DST: variants seen among roughly 807,000 people sequenced by gnomAD.
The protein encoded by DST is dystonin.
In DST, 253 loss-of-function variants were observed where a neutral mutation model predicts 875.2. The ratio of observed to expected loss-of-function variants is 0.29; its 90% CI spans 0.26 to 0.32. The LOEUF (loss-of-function observed/expected upper bound fraction) is 0.32. Among genes scored for constraint, DST ranks in the 10% least tolerant of loss-of-function variants. The probability of loss-of-function intolerance (pLI) is 1.00; values close to 1 mark genes in which losing one functional copy is unlikely to be tolerated. For missense variants in DST, 8,287 were observed against 9,111.6 expected (o/e 0.91, Z 3.68); for synonymous variants, 3,124 against 3,197.1 (o/e 0.98, Z 0.77).
intron 81 of DST, 115 bp from the exon 82 acceptor site, chr6:56,497,622 C>A: frequency 7.6e-7 from 1 of 1,307,706 alleles, no homozygotes; most frequent in South Asian, 1.5e-5. Flanking sequence ...TAAGAACAGC[C>A]AGGTACCATT....
intron 16 of DST, 127 bp from the exon 17 acceptor site, chr6:56,642,228 AAT>A (rs2098913422): frequency 2.2e-6 from 2 of 927,524 alleles, no homozygotes; most frequent in South Asian, 1.4e-5. Flanking sequence ...TTGGTTCAAA[AAT>A]ATGTTTTCCC....
At chr6:56,544,174 A>G (rs1352492262) in intron 61 of DST, among the ~76,000 whole-genome samples, 1 of 152,224 alleles carries the variant, frequency 6.6e-6, no homozygotes, top group Non-Finnish European at 1.5e-5. Flanking sequence ...TGAACAGTGG[A>G]TTGGGCACTA....
chr6:56,824,646 T>C (rs952123606), intron 4 of DST, among the ~76,000 whole-genome samples: 2 of 151,880 alleles, frequency 1.3e-5, no homozygotes. Context: ...GGAGCGCCTC[T>C]GACCGGCCGC....
chr6:56,619,824 G>A lies in DST; in HGVS notation c.4929+4706C>T, dbSNP rs770720799. 1.9e-5 allele frequency: 30 copies of A among 1,613,918 alleles called. 1 individual carries two copies. The highest frequency in any genetic ancestry group is 1.6e-4 in the Middle Eastern group (1 of 6,084). Reference sequence around the variant, plus strand: ...TCATCTAGTTTATCTTTTAGCAAACGAGCCTTTTCCTCAGATGACGTTTTT... The same window carrying A: ...TCATCTAGTTTATCTTTTAGCAAACAAGCCTTTTCCTCAGATGACGTTTTT... On this transcript the variant is annotated intron_variant, in intron 36 of 103. Transcript: ENST00000680361.
chr6:56,827,253 C>T (rs1352677248), intron 4 of DST, among the ~76,000 whole-genome samples: 1 of 152,112 alleles, frequency 6.6e-6, no homozygotes, highest in African/African-American at 2.4e-5. Flanking sequence ...CGGTGGCTCT[C>T]GCCTGTAATC....
At chr6:56,926,971 T>C (rs531231435) in intron 2 of DST, among the ~76,000 whole-genome samples, 1 of 152,102 alleles carries the variant, frequency 6.6e-6, no homozygotes, top group Admixed American at 6.5e-5. Flanking sequence ...AAAAACAGTA[T>C]CAGTAGGTAA....
chr6:56,600,440 G>A (rs1222774749), intron 44 of DST, among the ~76,000 whole-genome samples: 1 of 152,018 alleles, frequency 6.6e-6, no homozygotes, highest in Non-Finnish European at 1.5e-5. Flanking sequence ...AGATGAAACT[G>A]CTCAAGAGAA....
chr6:56,671,640 T>C (rs900480496), intron 9 of DST, among the ~76,000 whole-genome samples: 4 of 152,208 alleles, frequency 2.6e-5, no homozygotes, highest in Non-Finnish European at 5.9e-5. Context: ...CTGATAATTA[T>C]ATTAAGGCAC....
chr6:56,882,871 T>C (rs1782870092), intron 3 of DST, among the ~76,000 whole-genome samples: 1 of 152,220 alleles, frequency 6.6e-6, no homozygotes, highest in African/African-American at 2.4e-5. Flanking sequence ...TGTTGCTTTT[T>C]TCTTTTCCCC....
chr6:56,757,199 AT>A (rs933028502), intron 4 of DST, among the ~76,000 whole-genome samples: 3 of 152,174 alleles, frequency 2.0e-5, no homozygotes, highest in African/African-American at 7.2e-5. Context: ...AATGGGATTT[AT>A]TTTTTTCAGG....
At chr6:56,848,465 A>G (rs1445103060) in intron 4 of DST, among the ~76,000 whole-genome samples, 1 of 152,218 alleles carries the variant, frequency 6.6e-6, no homozygotes, top group Non-Finnish European at 1.5e-5. Context: ...AGTTTCAGGA[A>G]GAGTATGAAA....
intron 80 of DST, among the ~76,000 whole-genome samples, chr6:56,500,229 G>T (rs2096074100): frequency 6.6e-6 from 1 of 151,994 alleles, no homozygotes; most frequent in Non-Finnish European, 1.5e-5. Context: ...TTTAGTTTAG[G>T]ATTTAGGACT....
At chr6:56,602,208 A>G (rs1005201447) in intron 43 of DST, among the ~76,000 whole-genome samples, 3 of 151,864 alleles carry the variant, frequency 2.0e-5, no homozygotes, top group African/African-American at 4.8e-5. Context: ...AAGTATGCCA[A>G]AAGTGACAAC....
At chr6:56,812,109 A>AGAAAAGAAAAG (rs1554158453) in intron 4 of DST, among the ~76,000 whole-genome samples, 2 of 111,802 alleles carry the variant, frequency 1.8e-5, no homozygotes, top group Non-Finnish European at 3.5e-5. Flanking sequence ...CTCAAAAAAA[A>AGAAAAGAAAAG]AAAAGAAAAG....
intron 9 of DST, among the ~76,000 whole-genome samples, chr6:56,684,199 G>A (rs1310244948): frequency 6.6e-6 from 1 of 152,130 alleles, no homozygotes; most frequent in African/African-American, 2.4e-5. Context: ...TGAGTACACA[G>A]GAACTGCCAA....
chr6:56,473,625 C>A (rs897766398), intron 93 of DST, among the ~76,000 whole-genome samples: 1 of 152,072 alleles, frequency 6.6e-6, no homozygotes, highest in Non-Finnish European at 1.5e-5. Flanking sequence ...TTTCAATTTT[C>A]TTCTAGCTAA....
chr6:56,859,618 A>C (rs1169177144), intron 3 of DST, among the ~76,000 whole-genome samples: 2 of 152,228 alleles, frequency 1.3e-5, no homozygotes, highest in Admixed American at 1.3e-4. Flanking sequence ...CATATATTTA[A>C]CTAGAAAATA....
At position 56,900,594 on chromosome 6, in the gene DST, T is replaced by G. The variant is rs754520487; in HGVS notation, c.244A>C (p.Arg82=). The G allele has an allele frequency of 2.2e-6, 3 of 1,367,638 alleles. No individual in the cohort carries two copies. Among genetic ancestry groups the G allele is most frequent in the Non-Finnish European group, 2.0e-6 (2 of 1,021,838 alleles). The allele number at this position is 1,367,638 out of a possible 1,614,324, so 84.7% of individuals were successfully genotyped here. A position where few individuals can be genotyped will look rare whatever the true frequency, so the allele number is the denominator to read the frequency against. The change falls in exon 3 of 104, where the codon AGA becomes CGA. Residue 82 remains arginine, a synonymous_variant. Transcript: ENST00000680361. Reference sequence around the variant, plus strand: ...GCTGCGGCCGCTGCAACTCGTCTTCTAAGATGCCGAGGGCTTGCTCTGAAT... The same window carrying G: ...GCTGCGGCCGCTGCAACTCGTCTTCGAAGATGCCGAGGGCTTGCTCTGAAT... The part of the protein sequence containing the change: ...EGFRASPRHL[R]RRVAAAAAAR...
chr6:56,785,581 T>C (rs1309168968), intron 4 of DST, among the ~76,000 whole-genome samples: 1 of 152,296 alleles, frequency 6.6e-6, no homozygotes, highest in African/African-American at 2.4e-5. Flanking sequence ...AGTATTCGGG[T>C]GGGAGTGGCC....
Sources: allele counts gnomAD v4.1 joint callset (sites outside exome capture counted in the v4.1 genomes callset), GRCh38; gene constraint gnomAD v4.1.1; transcripts MANE v1.5; gene names NCBI Gene and HGNC (gene_info 2026-07-23, HGNC 2026-07-21).